TSHR: variants seen among roughly 807,000 people sequenced by gnomAD.
TSHR encodes the protein thyrotropin receptor.
A neutral mutation model predicts 64.1 loss-of-function variants in TSHR; 51 were observed. The observed-to-expected ratio is 0.80, with a 90% CI of 0.64 to 1.01. The LOEUF is 1.01. TSHR is among the 50% of genes least tolerant of loss of function. TSHR has a pLI of 0.00. For synonymous variants in TSHR, 361 were observed against 361.9 expected (o/e 1.00, Z 0.03); for missense variants, 877 against 942.8 (o/e 0.93, Z 0.91).
rs770878448 is a variant in TSHR, at chr14:81,108,512, T to C, written c.692+60T>C. 1.0e-5 allele frequency: 16 copies of C among 1,607,212 alleles called. No homozygotes were observed. In the South Asian group the frequency reaches 1.8e-4, roughly 18 times the overall value. Reference sequence around the variant, plus strand: ...TTTTTTTCTTTTTTTTTTTTTGGAATAAATGGAGACATTAAGGGGAGAATC... The same window carrying C: ...TTTTTTTCTTTTTTTTTTTTTGGAACAAATGGAGACATTAAGGGGAGAATC... On this transcript the variant is annotated intron_variant, in intron 8 of 9. Coordinates refer to ENST00000298171, the MANE Select transcript of TSHR (RefSeq NM_000369.5).
chr14:81,098,845 C>A (rs1324784135), intron 7 of TSHR, among the ~76,000 whole-genome samples: 4 of 152,046 alleles, frequency 2.6e-5, no homozygotes, highest in African/African-American at 9.7e-5. Context: ...AACCTGAAAC[C>A]TGGGATATAG....
intron 7 of TSHR, chr14:81,104,358 C>T (rs539260620): frequency 6.1e-6 from 6 of 985,388 alleles, no homozygotes; most frequent in African/African-American, 5.2e-5. Context: ...AGGCCCAGCC[C>T]AAGTTCCCCA....
intron 2 of TSHR, among the ~76,000 whole-genome samples, chr14:81,064,066 A>G (rs919953060): frequency 3.3e-5 from 5 of 152,196 alleles, no homozygotes; most frequent in African/African-American, 1.2e-4. Context: ...AATCTTCCCT[A>G]AGGGCTGAGC....
chr14:81,026,753 G>C (rs1884076421), intron 1 of TSHR, among the ~76,000 whole-genome samples: 1 of 151,892 alleles, frequency 6.6e-6, no homozygotes, highest in Admixed American at 6.6e-5. Flanking sequence ...TAAAAGCTTT[G>C]GGCCAGGCAC....
At chr14:81,069,374 C>A (rs533038156) in intron 3 of TSHR, among the ~76,000 whole-genome samples, 1 of 152,232 alleles carries the variant, frequency 6.6e-6, no homozygotes, top group South Asian at 2.1e-4. Context: ...ATATTGCTTA[C>A]AAGTATGGTA....
chr14:81,064,954 T>C (rs1248470177), intron 2 of TSHR, among the ~76,000 whole-genome samples: 1 of 152,110 alleles, frequency 6.6e-6, no homozygotes, highest in Admixed American at 6.6e-5. Context: ...AACGAGGAAG[T>C]CATGTTGTAG....
At chr14:81,032,486 TG>T in intron 1 of TSHR, 1 of 354,260 alleles carries the variant, frequency 2.8e-6, no homozygotes, top group Non-Finnish European at 5.6e-6. Context: ...ACAAGGGAGT[TG>T]TCAGAGTTTT....
chr14:81,031,643 A>G (rs989102781), intron 1 of TSHR, among the ~76,000 whole-genome samples: 1 of 152,176 alleles, frequency 6.6e-6, no homozygotes, highest in Admixed American at 6.5e-5. Flanking sequence ...TGCGCCCAGG[A>G]GAGTAACCAC....
chr14:80,974,316 C>T (rs1375498555), intron 1 of TSHR, among the ~76,000 whole-genome samples: 1 of 152,146 alleles, frequency 6.6e-6, no homozygotes. Flanking sequence ...TAAAGACTTC[C>T]AAGAGTTCTT....
At chr14:81,091,912 G>A (rs76471096) in intron 5 of TSHR, among the ~76,000 whole-genome samples, 5,635 of 152,314 alleles carry the variant, frequency 0.037, 211 homozygotes, top group African/African-American at 0.099. Flanking sequence ...ACGTAAGGCA[G>A]AGAGAATTAC....
chr14:81,029,857 C>T (rs934182361), intron 1 of TSHR, among the ~76,000 whole-genome samples: 2 of 152,134 alleles, frequency 1.3e-5, no homozygotes, highest in Non-Finnish European at 2.9e-5. Flanking sequence ...CTGGAATTTC[C>T]AAGCCTCAGC....
chr14:81,131,133 C>G (rs896795177), intron 8 of TSHR, among the ~76,000 whole-genome samples: 10 of 152,160 alleles, frequency 6.6e-5, no homozygotes, highest in Non-Finnish European at 5.9e-5. Context: ...CAGCCTTCCC[C>G]ATCTCAGGAA....
chr14:81,135,688 G>C (rs1172692262), intron 8 of TSHR, among the ~76,000 whole-genome samples: 3 of 152,200 alleles, frequency 2.0e-5, no homozygotes, highest in Non-Finnish European at 4.4e-5. Flanking sequence ...GCCCTGGAAA[G>C]TGGTAGATGG....
At chr14:80,982,201 A>G (rs373310755) in intron 1 of TSHR, 4 of 587,692 alleles carry the variant, frequency 6.8e-6, no homozygotes, top group African/African-American at 5.6e-5. Flanking sequence ...GAGATGAAGG[A>G]AGGAGCCCCT....
chr14:81,145,950 C>A lies in TSHR; in HGVS notation c.*1597C>A, dbSNP rs1393715362. On this transcript the variant is annotated 3_prime_UTR_variant, in exon 10 of 10. Transcript: ENST00000298171. ...AGATTGTGAAGTGTCGTTAATGGGTCCCCACAGATGGTCCCTGCTGGACTC... is the reference window on the plus strand; with the variant it reads ...AGATTGTGAAGTGTCGTTAATGGGTACCCACAGATGGTCCCTGCTGGACTC... The A allele has an allele frequency of 2.6e-5, 6 of 232,164 alleles. No individual in the cohort carries two copies. The highest frequency in any genetic ancestry group is 1.3e-4 in the African/African-American group (6 of 45,286). 14.4% of individuals were successfully genotyped at this position (232,164 alleles called of 1,614,324 possible).
chr14:81,105,819 A>G (rs1889853675), intron 7 of TSHR, among the ~76,000 whole-genome samples: 1 of 152,240 alleles, frequency 6.6e-6, no homozygotes, highest in Admixed American at 6.5e-5. Flanking sequence ...TTGATTTTCA[A>G]CAGCCTGGGA....
intron 3 of TSHR, among the ~76,000 whole-genome samples, chr14:81,086,003 CA>C (rs111390932): frequency 0.033 from 4,994 of 151,910 alleles, 243 homozygotes; most frequent in African/African-American, 0.1. Flanking sequence ...AAAGCCAGGA[CA>C]AAAAAATGAA....
At position 81,094,679 on chromosome 14, in the gene TSHR, A is replaced by ATTTTTTTTTTTTTTTTTTTTTTTTTTT. The variant is rs1162262371; in HGVS notation, c.546-1936_546-1935insTTTTTTTTTTTTTTTTTTTTTTTTTTT. Among the ~76,000 whole-genome samples, 17 of 76,244 alleles carry ATTTTTTTTTTTTTTTTTTTTTTTTTTT rather than the reference A, an allele frequency of 2.2e-4. 2 individuals are homozygous for ATTTTTTTTTTTTTTTTTTTTTTTTTTT. The highest frequency in any genetic ancestry group is 5.3e-4 in the African/African-American group (8 of 15,148). The allele number at this position is 76,244 out of a possible 152,430, so 50.0% of individuals were successfully genotyped here. The stretch of plus-strand genomic sequence containing the variant: ...CTCCTTTTATTTATTTATTTTTTTA[A>ATTTTTTTTTTTTTTTTTTTTTTTTTTT]TTTTTTTTTTTTTTTTTTTTTTTTG... On this transcript the variant is annotated intron_variant, in intron 6 of 9. Coordinates refer to ENST00000298171, the MANE Select transcript of TSHR (RefSeq NM_000369.5).
intron 8 of TSHR, among the ~76,000 whole-genome samples, chr14:81,135,113 AT>A (rs1891401841): frequency 6.6e-6 from 1 of 152,216 alleles, no homozygotes; most frequent in Admixed American, 6.5e-5. Context: ...CCAATTGAAT[AT>A]AAGGGTAGAA....
Sources: gnomAD v4.1 joint callset for allele counts (sites outside exome capture counted in the v4.1 genomes callset) on GRCh38, gnomAD v4.1.1 for gene constraint, MANE v1.5 for transcripts, NCBI Gene and HGNC (gene_info 2026-07-23, HGNC 2026-07-21) for gene names.